Variants in MALRD1 observed in about 807,000 individuals in gnomAD.
The protein encoded by MALRD1 is MAM and LDL-receptor class A domain-containing protein 1.
In MALRD1, 247 loss-of-function variants were observed where a neutral mutation model predicts 242.1. The ratio of observed to expected loss-of-function variants is 1.02; its 90% CI spans 0.92 to 1.13. MALRD1 has a LOEUF of 1.13. MALRD1 is among the 50% of genes most tolerant of loss of function. The pLI, the probability that MALRD1 is intolerant of heterozygous loss-of-function variation, is 0.00. For missense variants in MALRD1, 2,989 were observed against 2,533.1 expected (o/e 1.18, Z -3.86); for synonymous variants, 995 against 866.6 (o/e 1.15, Z -2.60).
At chr10:19,570,212 A>G (rs1397696442) in intron 33 of MALRD1, among the ~76,000 whole-genome samples, 1 of 152,062 alleles carries the variant, frequency 6.6e-6, no homozygotes, top group Admixed American at 6.6e-5. Flanking sequence ...GTCTTAAGGC[A>G]TAGCTTCTAC....
chr10:19,558,016 T>C (rs1414762731), intron 32 of MALRD1, among the ~76,000 whole-genome samples: 1 of 152,078 alleles, frequency 6.6e-6, no homozygotes, highest in Non-Finnish European at 1.5e-5. Flanking sequence ...GGTGCTAATA[T>C]AAATTTTATT....
chr10:19,380,670 T>A (rs980986448), intron 26 of MALRD1, among the ~76,000 whole-genome samples: 3 of 152,136 alleles, frequency 2.0e-5, no homozygotes, highest in Admixed American at 6.5e-5. Context: ...TATCATCCTT[T>A]TGAACATTAT....
At chr10:19,189,209 G>T (rs568859453) in intron 14 of MALRD1, among the ~76,000 whole-genome samples, 1 of 152,166 alleles carries the variant, frequency 6.6e-6, no homozygotes. Context: ...GATAACTTAA[G>T]TATAATAAAC....
intron 32 of MALRD1, among the ~76,000 whole-genome samples, chr10:19,566,429 A>G (rs1195210120): frequency 1.3e-5 from 2 of 150,056 alleles, no homozygotes; most frequent in South Asian, 2.1e-4. Context: ...GTGAGCCACC[A>G]CGCCAGGCCA....
At chr10:19,335,555 A>G (rs976680806) in intron 24 of MALRD1, among the ~76,000 whole-genome samples, 1 of 152,136 alleles carries the variant, frequency 6.6e-6, no homozygotes, top group African/African-American at 2.4e-5. Flanking sequence ...GAGAAAGACA[A>G]TATTAAAAGA....
chr10:19,703,339 T>C (rs994456912), intron 38 of MALRD1, among the ~76,000 whole-genome samples: 4 of 152,136 alleles, frequency 2.6e-5, no homozygotes, highest in Admixed American at 1.3e-4. Flanking sequence ...TAGAGGTTGA[T>C]TGTATATGGG....
At chr10:19,718,656 C>T (rs943847093) in intron 38 of MALRD1, among the ~76,000 whole-genome samples, 1 of 152,192 alleles carries the variant, frequency 6.6e-6, no homozygotes, top group Non-Finnish European at 1.5e-5. Context: ...CCCTGTACCA[C>T]TAAACATTCT....
At chr10:19,424,519 A>G (rs1388546065) in intron 28 of MALRD1, among the ~76,000 whole-genome samples, 1 of 152,238 alleles carries the variant, frequency 6.6e-6, no homozygotes, top group Admixed American at 6.5e-5. Flanking sequence ...ATTTAAAAAT[A>G]AAAATACTCA....
intron 21 of MALRD1, among the ~76,000 whole-genome samples, chr10:19,315,724 A>G (rs367738919): frequency 1.5e-5 from 2 of 136,840 alleles, no homozygotes; most frequent in South Asian, 4.3e-4. Flanking sequence ...TATATTGCAT[A>G]TTATAATGTT....
intron 38 of MALRD1, among the ~76,000 whole-genome samples, chr10:19,713,213 G>A (rs181135750): frequency 5.3e-5 from 8 of 152,062 alleles, no homozygotes; most frequent in South Asian, 2.1e-4. Context: ...TAAAATATTA[G>A]TCCAACTTTC....
At chr10:19,402,308 A>C (rs1434797925) in intron 28 of MALRD1, among the ~76,000 whole-genome samples, 1 of 152,104 alleles carries the variant, frequency 6.6e-6, no homozygotes, top group Non-Finnish European at 1.5e-5. Context: ...TCCCCACCCA[A>C]ATCTCACCTT....
chr10:19,724,850 C>G (rs1834945046), intron 38 of MALRD1: 1 of 152,206 alleles, frequency 6.6e-6, no homozygotes, highest in African/African-American at 2.4e-5. Context: ...AAGAAAGCTA[C>G]TAGAGCAAAT....
At chr10:19,367,119 A>G (rs981888165) in intron 26 of MALRD1, among the ~76,000 whole-genome samples, 18 of 152,144 alleles carry the variant, frequency 1.2e-4, no homozygotes, top group African/African-American at 4.3e-4. Context: ...TGTATTGGAA[A>G]CATTCAGTAT....
chr10:19,484,429 G>A (rs1043852669), intron 29 of MALRD1, among the ~76,000 whole-genome samples: 1 of 152,096 alleles, frequency 6.6e-6, no homozygotes, highest in Non-Finnish European at 1.5e-5. Context: ...TTTTTTTAAA[G>A]AATAAATTTA....
At chr10:19,645,742 G>T (rs192768241) in intron 36 of MALRD1, among the ~76,000 whole-genome samples, 184 of 152,128 alleles carry the variant, frequency 1.2e-3, no homozygotes, top group Non-Finnish European at 1.8e-3. Context: ...GTGGGAGGAG[G>T]GGGGAGGGAT....
intron 18 of MALRD1, among the ~76,000 whole-genome samples, chr10:19,237,537 A>C (rs1209413483): frequency 3.7e-5 from 4 of 106,968 alleles, no homozygotes; most frequent in Non-Finnish European, 7.6e-5. Flanking sequence ...TATATATATA[A>C]TTTTATGTAT....
chr10:19,238,905 G>C (rs1422189902), intron 18 of MALRD1, among the ~76,000 whole-genome samples: 2 of 151,110 alleles, frequency 1.3e-5, no homozygotes, highest in Non-Finnish European at 2.9e-5. Flanking sequence ...TACCTTTTTG[G>C]TAATAGCCAT....
chr10:19,704,576 G>T (rs1164699357), intron 38 of MALRD1, among the ~76,000 whole-genome samples: 7 of 152,178 alleles, frequency 4.6e-5, no homozygotes, highest in African/African-American at 1.7e-4. Flanking sequence ...GTTCATCACA[G>T]TAAGTATGCA....
intron 18 of MALRD1, among the ~76,000 whole-genome samples, chr10:19,246,392 C>T (rs1015662416): frequency 2.0e-5 from 3 of 151,940 alleles, no homozygotes; most frequent in Non-Finnish European, 4.4e-5. Flanking sequence ...CTGAATATAC[C>T]CAGAGGGGGA....
Sources: gnomAD v4.1 joint callset for allele counts (sites outside exome capture counted in the v4.1 genomes callset) on GRCh38, gnomAD v4.1.1 for gene constraint, MANE v1.5 for transcripts, NCBI Gene and HGNC (gene_info 2026-07-23, HGNC 2026-07-21) for gene names.